The following CDKN2B-AS1 variants were observed in gnomAD, a reference collection of about 807,000 sequenced individuals.
CDKN2B-AS1 encodes CDKN2B antisense RNA 1 (non-protein coding).
intron 4 of CDKN2B-AS1, among the ~76,000 whole-genome samples, chr9:22,087,948 T>G (rs557961649): frequency 1.3e-5 from 2 of 152,360 alleles, no homozygotes; most frequent in Admixed American, 6.5e-5. Context: ...GCTTGCTGTC[T>G]CTGTTGAAAG....
chr9:22,048,745 G>T (rs191970151), intron 2 of CDKN2B-AS1, among the ~76,000 whole-genome samples: 1 of 152,120 alleles, frequency 6.6e-6, no homozygotes, highest in African/African-American at 2.4e-5. Flanking sequence ...CAGGAGAAGT[G>T]GGGAGGTTAA....
At chr9:22,022,231 ATCTG>A (rs1180825581) in intron 1 of CDKN2B-AS1, among the ~76,000 whole-genome samples, 1 of 151,392 alleles carries the variant, frequency 6.6e-6, no homozygotes, top group African/African-American at 2.4e-5. Flanking sequence ...TGTCTCGGTG[ATCTG>A]TCTAATATTC....
rs1210062565 is a variant in CDKN2B-AS1, at chr9:21,996,758, T to C, written n.29+1597T>C. Among the ~76,000 whole-genome samples the C allele has an allele frequency of 1.3e-5, 2 of 152,114 alleles. No homozygotes were observed. The highest frequency in any genetic ancestry group is 2.4e-5 in the African/African-American group (1 of 41,396). The stretch of plus-strand genomic sequence containing the variant: ...CAGAGGAAGGGCGCTTTAGAAAGGG[T>C]TAGTTCATCCTGGAAGAAAAACGAT... On this transcript the variant is annotated intron_variant and non_coding_transcript_variant, in intron 1 of 4. Coordinates refer to ENST00000650946, the Ensembl canonical transcript of CDKN2B-AS1. The surrounding 1 kb of genome is among the most constrained non-coding windows in gnomAD (Gnocchi z 5.4).
At chr9:22,016,021 A>G (rs1821739621) in intron 1 of CDKN2B-AS1, among the ~76,000 whole-genome samples, 2 of 152,188 alleles carry the variant, frequency 1.3e-5, no homozygotes, top group Non-Finnish European at 2.9e-5. Context: ...GTAGGTCGCG[A>G]AAATTTTCTC....
intron 4 of CDKN2B-AS1, among the ~76,000 whole-genome samples, chr9:22,113,402 G>T (rs1275989629): frequency 6.6e-6 from 1 of 152,150 alleles, no homozygotes; most frequent in Non-Finnish European, 1.5e-5. Flanking sequence ...AGCAGAAGAG[G>T]CTTTTAAGAG....
intron 4 of CDKN2B-AS1, among the ~76,000 whole-genome samples, chr9:22,057,934 G>T (rs1823640307): frequency 6.6e-6 from 1 of 151,464 alleles, no homozygotes; most frequent in Non-Finnish European, 1.5e-5. Flanking sequence ...TTGCCAACAT[G>T]GTGAAACCCT....
At chr9:22,060,106 A>T (rs1823753344) in intron 4 of CDKN2B-AS1, among the ~76,000 whole-genome samples, 1 of 152,188 alleles carries the variant, frequency 6.6e-6, no homozygotes, top group South Asian at 2.1e-4. Context: ...GGGGATTAAC[A>T]TTAGGCCCCA....
chr9:22,052,437 C>T (rs140999790), intron 3 of CDKN2B-AS1, among the ~76,000 whole-genome samples: 4 of 152,168 alleles, frequency 2.6e-5, no homozygotes, highest in African/African-American at 4.8e-5. Flanking sequence ...ACAGATAACA[C>T]TTCTCAAGAA....
chr9:22,072,636 G>C (rs950639870), intron 4 of CDKN2B-AS1, among the ~76,000 whole-genome samples: 1 of 152,200 alleles, frequency 6.6e-6, no homozygotes, highest in Non-Finnish European at 1.5e-5. Context: ...AATGTTATTA[G>C]ATGATATAGT....
At chr9:22,098,174 T>C (rs1825351527) in intron 4 of CDKN2B-AS1, among the ~76,000 whole-genome samples, 1 of 151,876 alleles carries the variant, frequency 6.6e-6, no homozygotes, top group African/African-American at 2.4e-5. Context: ...TGTGTGTGTG[T>C]GTGTGTGTGT....
intron 4 of CDKN2B-AS1, among the ~76,000 whole-genome samples, chr9:22,090,531 C>G (rs552318227): frequency 0.037 from 5,567 of 152,228 alleles, 137 homozygotes; most frequent in Non-Finnish European, 0.056. Context: ...TGACTGGTGT[C>G]AGATGGTATC....
intron 4 of CDKN2B-AS1, among the ~76,000 whole-genome samples, chr9:22,101,190 C>T (rs939970179): frequency 6.6e-6 from 1 of 152,162 alleles, no homozygotes; most frequent in Non-Finnish European, 1.5e-5. Context: ...TCCATGATAA[C>T]ACAAGTATCA....
intron 1 of CDKN2B-AS1, among the ~76,000 whole-genome samples, chr9:22,041,275 G>A (rs1191500121): frequency 3.9e-5 from 6 of 152,004 alleles, no homozygotes. Context: ...AGATGTACCT[G>A]AACCTCTTCA....
intron 1 of CDKN2B-AS1, chr9:22,029,801 G>C (rs1822394533): frequency 3.6e-6 from 1 of 279,564 alleles, no homozygotes; most frequent in Non-Finnish European, 6.5e-6. Flanking sequence ...TAAGATGTTA[G>C]TATTGTAATA....
intron 4 of CDKN2B-AS1, among the ~76,000 whole-genome samples, chr9:22,071,072 T>C (rs986043336): frequency 6.6e-5 from 10 of 151,980 alleles, no homozygotes; most frequent in African/African-American, 2.4e-5. Flanking sequence ...TTCTGTACTC[T>C]TCAGTTACAA....
chr9:22,123,702 C>T (rs1826139745), intron 4 of CDKN2B-AS1, among the ~76,000 whole-genome samples: 1 of 152,102 alleles, frequency 6.6e-6, no homozygotes, highest in Admixed American at 6.5e-5. Flanking sequence ...TGAGGGCTTA[C>T]TTTTCATGTT....
At chr9:22,016,573 C>T (rs1821769993) in intron 1 of CDKN2B-AS1, among the ~76,000 whole-genome samples, 1 of 152,162 alleles carries the variant, frequency 6.6e-6, no homozygotes, top group Non-Finnish European at 1.5e-5. Flanking sequence ...GTAACCAAAA[C>T]AGCATGGTAC....
At chr9:22,008,555 T>C (rs754444383) in intron 1 of CDKN2B-AS1, 1 of 1,037,548 alleles carries the variant, frequency 9.6e-7, no homozygotes, top group Non-Finnish European at 1.4e-6. Context: ...ATTCCTTGCA[T>C]CTCTGATCAT....
intron 4 of CDKN2B-AS1, among the ~76,000 whole-genome samples, chr9:22,085,242 G>C (rs1386353668): frequency 6.6e-6 from 1 of 152,122 alleles, no homozygotes; most frequent in Non-Finnish European, 1.5e-5. Context: ...TTTGCCCACA[G>C]ATTAATTTGT....
Sources: allele counts gnomAD v4.1 joint callset (sites outside exome capture counted in the v4.1 genomes callset), GRCh38; gene constraint gnomAD v4.1.1; non-coding constraint Gnocchi (gnomAD v3.1); transcripts MANE v1.5; gene names NCBI Gene and HGNC (gene_info 2026-07-23, HGNC 2026-07-21).